Variants in PIP5K1B observed in about 807,000 individuals in gnomAD.
PIP5K1B encodes the protein phosphatidylinositol-4-phosphate 5-kinase type 1 beta.
PIP5K1B carries 42 observed loss-of-function variants against 67.0 expected under a neutral mutation model. The observed-to-expected ratio is 0.63, with a 90% confidence interval of 0.49 to 0.81. The LOEUF (loss-of-function observed/expected upper bound fraction) is 0.81, where lower values mean the gene tolerates loss of function less well. Ranked by LOEUF, PIP5K1B falls within the 30% of genes least tolerant of loss-of-function variation. The probability of loss-of-function intolerance (pLI) is 0.00; values close to 1 mark genes in which losing one functional copy is unlikely to be tolerated. For missense variants in PIP5K1B, 459 were observed against 646.3 expected (o/e 0.71, Z 3.14); for synonymous variants, 214 against 231.4 (o/e 0.92, Z 0.68).
intron 8 of PIP5K1B, among the ~76,000 whole-genome samples, chr9:68,897,029 A>G (rs762764480): frequency 1.3e-4 from 20 of 152,252 alleles, no homozygotes; most frequent in Non-Finnish European, 2.6e-4. Flanking sequence ...GATGATTGCA[A>G]TAGGATATGT....
chr9:68,933,099 C>CAA lies in PIP5K1B; in HGVS notation c.1202-1778_1202-1777dup, dbSNP rs200948074. Among the ~76,000 whole-genome samples the CAA allele has an allele frequency of 1.1e-3, 110 of 98,102 alleles. 1 individual carries two copies. Among genetic ancestry groups the CAA allele is most frequent in the African/African-American group, 3.6e-3 (99 of 27,606 alleles). The allele number at this position is 98,102 out of a possible 152,430, so 64.4% of individuals were successfully genotyped here. Reference sequence around the variant, plus strand: ...GGGCAACAAGAGCAAAACTCCGTCTCAAAAAAAAAAAAAAGAAGAAGAAGC... The same window carrying CAA: ...GGGCAACAAGAGCAAAACTCCGTCTCAAAAAAAAAAAAAAAAGAAGAAGAAGC... On this transcript the variant is annotated intron_variant, in intron 12 of 15. Transcript: ENST00000265382.
intron 1 of PIP5K1B, among the ~76,000 whole-genome samples, chr9:68,712,663 G>A (rs565775469): frequency 5.3e-5 from 8 of 152,192 alleles, no homozygotes; most frequent in African/African-American, 1.4e-4. Context: ...CAGTGCTTAC[G>A]TGTTAGCTAT....
At chr9:68,824,583 C>T (rs1833891079) in intron 4 of PIP5K1B, among the ~76,000 whole-genome samples, 1 of 151,988 alleles carries the variant, frequency 6.6e-6, no homozygotes, top group Admixed American at 6.6e-5. Context: ...TTAATGATTT[C>T]TGGTTTTAAA....
At chr9:68,852,569 C>T (rs574566057) in intron 4 of PIP5K1B, among the ~76,000 whole-genome samples, 1 of 152,194 alleles carries the variant, frequency 6.6e-6, no homozygotes, top group East Asian at 1.9e-4. Flanking sequence ...CCAAACCCAA[C>T]TAGAAGCCAG....
intron 2 of PIP5K1B, among the ~76,000 whole-genome samples, chr9:68,816,897 G>A (rs1833475767): frequency 6.6e-6 from 1 of 152,176 alleles, no homozygotes; most frequent in East Asian, 1.9e-4. Context: ...TTGCAAGATA[G>A]TAAATTTATA....
chr9:68,708,347 T>G (rs760579275), intron 1 of PIP5K1B, among the ~76,000 whole-genome samples: 11 of 152,210 alleles, frequency 7.2e-5, no homozygotes, highest in Non-Finnish European at 1.0e-4. Context: ...ACATATGCTG[T>G]AAAACATAGA....
At chr9:68,994,238 C>G (rs563936645) in intron 15 of PIP5K1B, among the ~76,000 whole-genome samples, 1 of 151,812 alleles carries the variant, frequency 6.6e-6, no homozygotes, top group Non-Finnish European at 1.5e-5. Context: ...GACGGGGTTT[C>G]GCCATGTTGG....
intron 14 of PIP5K1B, among the ~76,000 whole-genome samples, chr9:68,989,402 G>A: frequency 6.6e-6 from 1 of 152,124 alleles, no homozygotes; most frequent in East Asian, 1.9e-4. Context: ...AGGAAGAGGA[G>A]AGATGAAGCC....
chr9:68,732,347 A>T (rs1828484108), intron 1 of PIP5K1B, among the ~76,000 whole-genome samples: 1 of 152,092 alleles, frequency 6.6e-6, no homozygotes, highest in African/African-American at 2.4e-5. Flanking sequence ...AATTACATGG[A>T]TCTTTTTTGT....
intron 1 of PIP5K1B, among the ~76,000 whole-genome samples, chr9:68,723,216 C>T (rs1476295521): frequency 1.3e-5 from 2 of 148,766 alleles, no homozygotes; most frequent in South Asian, 2.1e-4. Flanking sequence ...GAGAGAGAGA[C>T]GTTTTCTTTG....
intron 2 of PIP5K1B, among the ~76,000 whole-genome samples, chr9:68,747,086 C>G (rs1435307893): frequency 2.0e-5 from 3 of 151,802 alleles, no homozygotes; most frequent in Non-Finnish European, 2.9e-5. Flanking sequence ...CATTCTTTCC[C>G]TGCCTACTCC....
chr9:68,892,868 C>T (rs544157430), intron 7 of PIP5K1B, among the ~76,000 whole-genome samples: 15 of 152,148 alleles, frequency 9.9e-5, no homozygotes, highest in Admixed American at 7.2e-4. Context: ...GTCAGGAGTT[C>T]GAGACCAGCC....
chr9:68,726,033 A>T (rs1192479807), intron 1 of PIP5K1B, among the ~76,000 whole-genome samples: 1 of 152,194 alleles, frequency 6.6e-6, no homozygotes, highest in Non-Finnish European at 1.5e-5. Flanking sequence ...ACACCTATGG[A>T]ATCTTTCAGT....
At chr9:68,923,591 C>G (rs1413852176) in intron 12 of PIP5K1B, among the ~76,000 whole-genome samples, 1 of 151,990 alleles carries the variant, frequency 6.6e-6, no homozygotes, top group Non-Finnish European at 1.5e-5. Flanking sequence ...TAGAAGGTAT[C>G]TAAATGTCCA....
intron 9 of PIP5K1B, among the ~76,000 whole-genome samples, chr9:68,918,101 T>TA (rs1228537125): frequency 3.3e-5 from 5 of 150,414 alleles, no homozygotes; most frequent in Admixed American, 6.6e-5. Context: ...ATTTATTTTT[T>TA]TTTTTTGAGA....
intron 14 of PIP5K1B, among the ~76,000 whole-genome samples, chr9:68,956,854 G>A (rs1369203319): frequency 6.6e-6 from 1 of 152,184 alleles, no homozygotes; most frequent in Non-Finnish European, 1.5e-5. Context: ...TCAAGGTAGG[G>A]AGGAGTCCTG....
chr9:68,721,083 A>G (rs1827857986), intron 1 of PIP5K1B, among the ~76,000 whole-genome samples: 2 of 152,194 alleles, frequency 1.3e-5, no homozygotes, highest in South Asian at 2.1e-4. Context: ...TGGGTGGAAT[A>G]AGATAGGGCT....
At chr9:68,895,285 A>C (rs981697584) in intron 8 of PIP5K1B, among the ~76,000 whole-genome samples, 2 of 151,950 alleles carry the variant, frequency 1.3e-5, no homozygotes, top group African/African-American at 4.8e-5. Flanking sequence ...AAAAAAAAAA[A>C]AACTAAGGGA....
At chr9:68,888,828 G>C (rs375155290) in intron 6 of PIP5K1B, among the ~76,000 whole-genome samples, 153 bp from the exon 7 acceptor site, 7 of 152,266 alleles carry the variant, frequency 4.6e-5, no homozygotes, top group African/African-American at 1.7e-4. Flanking sequence ...ATCTCAAAAA[G>C]AGCCTTCTCG....
Sources: gnomAD v4.1 joint callset for allele counts (sites outside exome capture counted in the v4.1 genomes callset) on GRCh38, gnomAD v4.1.1 for gene constraint, MANE v1.5 for transcripts, NCBI Gene and HGNC (gene_info 2026-07-23, HGNC 2026-07-21) for gene names.